SYNDIG1: variants seen among roughly 807,000 people sequenced by gnomAD.
The protein encoded by SYNDIG1 is synapse differentiation inducing 1, also known as synapse differentiation-inducing gene protein 1.
SYNDIG1 carries 9 observed loss-of-function variants against 19.4 expected under a neutral mutation model. The ratio of observed to expected loss-of-function variants is 0.46; its 90% confidence interval spans 0.28 to 0.81. The LOEUF (loss-of-function observed/expected upper bound fraction) is 0.81, where lower values mean the gene tolerates loss of function less well. SYNDIG1 is among the 30% of genes least tolerant of loss of function. The probability of loss-of-function intolerance (pLI) is 0.12; values close to 1 mark genes in which losing one functional copy is unlikely to be tolerated. For synonymous variants in SYNDIG1, 141 were observed against 145.9 expected (o/e 0.97, Z 0.24); for missense variants, 311 against 343.3 (o/e 0.91, Z 0.74).
At chr20:24,627,505 A>G (rs1164649205) in intron 3 of SYNDIG1, among the ~76,000 whole-genome samples, 1 of 152,182 alleles carries the variant, frequency 6.6e-6, no homozygotes, top group Non-Finnish European at 1.5e-5. Flanking sequence ...ATGACCTACC[A>G]AAAGGATCAT....
At chr20:24,489,180 A>G (rs1192056693) in intron 1 of SYNDIG1, among the ~76,000 whole-genome samples, 1 of 152,172 alleles carries the variant, frequency 6.6e-6, no homozygotes, top group Non-Finnish European at 1.5e-5. Flanking sequence ...ACACATACAC[A>G]TGCACACATA....
chr20:24,505,739 G>A (rs1472597318), intron 1 of SYNDIG1, among the ~76,000 whole-genome samples: 1 of 152,206 alleles, frequency 6.6e-6, no homozygotes, highest in Non-Finnish European at 1.5e-5. Flanking sequence ...CAGTGGAGCT[G>A]GGACTTATTT....
chr20:24,616,047 C>T (rs1230860329), intron 3 of SYNDIG1, among the ~76,000 whole-genome samples: 3 of 152,180 alleles, frequency 2.0e-5, no homozygotes, highest in Non-Finnish European at 4.4e-5. Flanking sequence ...CTTCACATCA[C>T]ATAACAGCTG....
At chr20:24,608,503 C>T (rs2058797294) in intron 3 of SYNDIG1, among the ~76,000 whole-genome samples, 1 of 152,126 alleles carries the variant, frequency 6.6e-6, no homozygotes, top group Admixed American at 6.6e-5. Flanking sequence ...AGTGACAATC[C>T]ATCACCCGCC....
In SYNDIG1 at chr20:24,665,403, G is replaced by A. The variant is rs2147419192; in HGVS notation, c.676G>A (p.Ala226Thr). ...CCAGGCCAGCACCAGCTCCCGGCGG[G>A]CCCTATTCCTGGCAGTGCTGTCCAT... ...LHQASTSSRR[A>T]LFLAVLSITI... The change falls in exon 4 of 4, where the codon GCC (alanine) becomes ACC (threonine). Residue 226 changes from alanine (A) to threonine (T), a missense_variant. Physicochemically the swap from Ala to Thr is moderately conservative, Grantham distance 58. Transcript: ENST00000376862. 6 of 1,612,798 alleles carry A rather than the reference G, an allele frequency of 3.7e-6. No homozygotes were observed. The highest frequency in any genetic ancestry group is 8.5e-7 in the Non-Finnish European group (1 of 1,179,552).
chr20:24,635,977 G>A (rs117719594), intron 3 of SYNDIG1, among the ~76,000 whole-genome samples: 2 of 152,280 alleles, frequency 1.3e-5, no homozygotes, highest in East Asian at 3.9e-4. Context: ...AAATTTTGTA[G>A]TTATTGTCTT....
chr20:24,590,984 C>T (rs374994348), intron 3 of SYNDIG1, among the ~76,000 whole-genome samples: 1 of 151,970 alleles, frequency 6.6e-6, no homozygotes, highest in Non-Finnish European at 1.5e-5. Context: ...AGCAGAGGGG[C>T]GCGGAGGGAC....
At chr20:24,643,891 CCTT>C (rs1233881640) in intron 3 of SYNDIG1, among the ~76,000 whole-genome samples, 1 of 152,182 alleles carries the variant, frequency 6.6e-6, no homozygotes, top group Non-Finnish European at 1.5e-5. Flanking sequence ...GCTGAGTTCT[CCTT>C]CTTGCCCCAT....
chr20:24,500,546 TTTC>T (rs1432750762), intron 1 of SYNDIG1, among the ~76,000 whole-genome samples: 2 of 151,162 alleles, frequency 1.3e-5, no homozygotes, highest in East Asian at 1.9e-4. Flanking sequence ...TCTTTCTTTC[TTTC>T]TTTTTTCTTT....
At chr20:24,616,685 A>G (rs2058940060) in intron 3 of SYNDIG1, among the ~76,000 whole-genome samples, 1 of 152,228 alleles carries the variant, frequency 6.6e-6, no homozygotes, top group Non-Finnish European at 1.5e-5. Context: ...GCAGCTGGAC[A>G]GGGCTGAGGC....
Position 24,543,462 on chromosome 20 carries a change from C to G in SYNDIG1, c.365C>G (p.Thr122Ser). ...ETTFIEDRSP[T>S]KDSLEYPDGK... ...ACCTTCATCGAGGACCGGTCGCCCA[C>G]CAAAGACAGCCTCGAGTACCCGGAT... is the stretch of plus-strand genomic sequence containing the variant. Residue 122 changes from threonine to serine, a missense_variant, in exon 2 of 4, where the codon ACC (threonine) becomes AGC (serine). Transcript: ENST00000376862. 1 of 1,613,524 alleles carries G rather than the reference C, an allele frequency of 6.2e-7. No individual in the cohort carries two copies. Among genetic ancestry groups the G allele is most frequent in the Non-Finnish European group, 8.5e-7 (1 of 1,180,030 alleles).
chr20:24,527,067 C>T lies in SYNDIG1; in HGVS notation c.-78-15953C>T, dbSNP rs146588532. ...TCAGTGCTGAACATTTCACAGGTAG[C>T]GTCCTTTGAGGTGCGGCTTCTCTCC... On this transcript the variant is annotated intron_variant, in intron 1 of 3. Transcript: ENST00000376862. Among the ~76,000 whole-genome samples the T allele has an allele frequency of 1.0e-3, 155 of 152,288 alleles. 2 individuals are homozygous for T. Among genetic ancestry groups the T allele is most frequent in the African/African-American group, 3.5e-3 (147 of 41,546 alleles).
intron 1 of SYNDIG1, among the ~76,000 whole-genome samples, chr20:24,534,711 C>T (rs1393905448): frequency 6.6e-6 from 1 of 152,186 alleles, no homozygotes; most frequent in Non-Finnish European, 1.5e-5. Context: ...TGGTGGTCAC[C>T]TAGGTCCCCA....
intron 3 of SYNDIG1, among the ~76,000 whole-genome samples, chr20:24,636,670 G>A (rs1168274162): frequency 6.6e-6 from 1 of 152,146 alleles, no homozygotes; most frequent in South Asian, 2.1e-4. Context: ...AACCTGCCTG[G>A]CCACCATGTA....
intron 3 of SYNDIG1, among the ~76,000 whole-genome samples, chr20:24,607,408 C>T (rs1229968557): frequency 6.6e-6 from 1 of 151,902 alleles, no homozygotes; most frequent in Non-Finnish European, 1.5e-5. Flanking sequence ...AACTCCACCT[C>T]GTTCGGGCTG....
chr20:24,605,281 C>T (rs2058739221), intron 3 of SYNDIG1, among the ~76,000 whole-genome samples: 1 of 152,198 alleles, frequency 6.6e-6, no homozygotes, highest in Non-Finnish European at 1.5e-5. Context: ...CAGCTAGATA[C>T]AAGCATAACA....
chr20:24,586,951 C>T (rs1387638739), intron 3 of SYNDIG1, among the ~76,000 whole-genome samples: 1 of 152,212 alleles, frequency 6.6e-6, no homozygotes, highest in East Asian at 1.9e-4. Context: ...TAATAAAGAG[C>T]AAGGCTACAA....
At chr20:24,645,895 C>T (rs2059418219) in intron 3 of SYNDIG1, among the ~76,000 whole-genome samples, 1 of 152,194 alleles carries the variant, frequency 6.6e-6, no homozygotes, top group Non-Finnish European at 1.5e-5. Context: ...ACACCTGGTG[C>T]TGGCCAGCTA....
chr20:24,549,658 T>C (rs970800192), intron 2 of SYNDIG1, among the ~76,000 whole-genome samples: 3 of 152,206 alleles, frequency 2.0e-5, no homozygotes, highest in African/African-American at 7.2e-5. Context: ...ACGGCTTGAA[T>C]ACTAACAGGC....
Sources: allele counts gnomAD v4.1 joint callset (sites outside exome capture counted in the v4.1 genomes callset), GRCh38; gene constraint gnomAD v4.1.1; transcripts MANE v1.5; gene names NCBI Gene and HGNC (gene_info 2026-07-23, HGNC 2026-07-21).